GABBR2: variants seen among roughly 807,000 people sequenced by gnomAD.
The protein encoded by GABBR2 is gamma-aminobutyric acid type B receptor subunit 2, also known as G-protein coupled receptor 51.
Under a neutral mutation model 105.6 loss-of-function variants are expected in GABBR2, and 23 were observed. The observed-to-expected ratio is 0.22, with a 90% CI of 0.16 to 0.31. The LOEUF is 0.31. Among genes scored for constraint, GABBR2 ranks in the 10% least tolerant of loss-of-function variants. The probability of loss-of-function intolerance (pLI) is 1.00; values close to 1 mark genes in which losing one functional copy is unlikely to be tolerated. For synonymous variants in GABBR2, 478 were observed against 499.7 expected, an observed-to-expected ratio of 0.96 and a Z score of 0.58; for missense variants, 734 against 1,245.5, an observed-to-expected ratio of 0.59 and a Z score of 6.18.
At chr9:98,560,521 T>TAC (rs1396941421) in intron 2 of GABBR2, among the ~76,000 whole-genome samples, 1 of 150,818 alleles carries the variant, frequency 6.6e-6, no homozygotes, top group Non-Finnish European at 1.5e-5. Flanking sequence ...CATACACACA[T>TAC]ACACACACAC....
At chr9:98,291,306 T>C (rs1341658381) in intron 18 of GABBR2, among the ~76,000 whole-genome samples, 2 of 152,154 alleles carry the variant, frequency 1.3e-5, no homozygotes, top group Admixed American at 6.5e-5. Context: ...CATTGTAAAT[T>C]TGAAAAATGG....
intron 1 of GABBR2, among the ~76,000 whole-genome samples, chr9:98,690,004 C>T (rs560361202): frequency 6.6e-5 from 10 of 152,290 alleles, no homozygotes; most frequent in South Asian, 2.1e-4. Context: ...CTATTTCCTC[C>T]TAAAACTGAA....
chr9:98,295,711 A>T (rs1830369733), intron 17 of GABBR2, among the ~76,000 whole-genome samples: 1 of 152,110 alleles, frequency 6.6e-6, no homozygotes, highest in African/African-American at 2.4e-5. Context: ...TTTTCAGTGG[A>T]GACAGGGTTT....
In GABBR2 at chr9:98,656,865, C is replaced by G. The variant is rs369441430; in HGVS notation, c.321+51552G>C. 2.6e-4 allele frequency among the ~76,000 whole-genome samples: 39 copies of G among 152,248 alleles called. 2 individuals carry two copies. In the South Asian group the frequency reaches 7.9e-3, roughly 31 times the overall value. On this transcript the variant is annotated intron_variant, in intron 1 of 18. Transcript: ENST00000259455. ...GGGGGAAGTCCAGACAAGAAGGGGT[C>G]AGCAGCAGGGAGGTTTATTAACAGG...
chr9:98,499,881 G>A (rs574392916), intron 3 of GABBR2, among the ~76,000 whole-genome samples: 124 of 152,196 alleles, frequency 8.1e-4, no homozygotes, highest in African/African-American at 2.8e-3. Context: ...GTGAAACCCC[G>A]TCTCTACTAA....
At position 98,496,743 on chromosome 9, in the gene GABBR2, G is replaced by A. The variant is rs564070440; in HGVS notation, c.631-229C>T. Among the ~76,000 whole-genome samples, 3 of 152,312 alleles carry A rather than the reference G, an allele frequency of 2.0e-5. No homozygotes were observed. In the South Asian group the frequency reaches 6.2e-4, roughly 32 times the overall value. On this transcript the variant is annotated intron_variant, in intron 3 of 18. Transcript: ENST00000259455. ...GGATACAAGGAGGCCAGACAGGGAAGGGACTTTCCAAGATTGCCCAGGGAG... is the reference window on the plus strand; with the variant it reads ...GGATACAAGGAGGCCAGACAGGGAAAGGACTTTCCAAGATTGCCCAGGGAG...
chr9:98,326,312 C>T (rs1413102915), intron 13 of GABBR2, among the ~76,000 whole-genome samples: 5 of 152,174 alleles, frequency 3.3e-5, no homozygotes, highest in African/African-American at 1.2e-4. Flanking sequence ...ATCTCATGTG[C>T]TCCTGTAATA....
At chr9:98,648,178 C>CTGGA (rs1338428545) in intron 1 of GABBR2, among the ~76,000 whole-genome samples, 2 of 145,008 alleles carry the variant, frequency 1.4e-5, no homozygotes, top group Non-Finnish European at 3.1e-5. Context: ...GTCACCCAGG[C>CTGGA]TGGAGTACAG....
At chr9:98,397,510 G>A (rs1028453042) in intron 8 of GABBR2, among the ~76,000 whole-genome samples, 1 of 152,116 alleles carries the variant, frequency 6.6e-6, no homozygotes, top group Non-Finnish European at 1.5e-5. Flanking sequence ...TATATGCCAA[G>A]TTCCTAGCTT....
chr9:98,535,794 G>A (rs536721443), intron 3 of GABBR2, among the ~76,000 whole-genome samples: 6 of 152,260 alleles, frequency 3.9e-5, no homozygotes, highest in Admixed American at 6.5e-5. Context: ...GCTACATTCC[G>A]TATGATTCCA....
intron 3 of GABBR2, among the ~76,000 whole-genome samples, chr9:98,523,456 C>T (rs72603698): frequency 0.11 from 17,210 of 152,164 alleles, 1,607 homozygotes; most frequent in East Asian, 0.49. Flanking sequence ...CGGCCTCAAG[C>T]AATCAAGTAG....
At chr9:98,666,771 A>T (rs7856945) in intron 1 of GABBR2, among the ~76,000 whole-genome samples, 1 of 152,158 alleles carries the variant, frequency 6.6e-6, no homozygotes, top group Non-Finnish European at 1.5e-5. Flanking sequence ...AAGGCTTTCC[A>T]TGTGAGACAA....
intron 3 of GABBR2, among the ~76,000 whole-genome samples, chr9:98,510,551 G>A (rs1388656065): frequency 1.3e-5 from 2 of 152,090 alleles, no homozygotes; most frequent in Admixed American, 6.5e-5. Flanking sequence ...ACACACATAG[G>A]CTCAAAATAA....
chr9:98,606,605 C>T (rs1474577174), intron 1 of GABBR2, among the ~76,000 whole-genome samples: 4 of 151,618 alleles, frequency 2.6e-5, no homozygotes, highest in Admixed American at 1.3e-4. Flanking sequence ...CTCAGCCTCC[C>T]GAGTAGCTGG....
At chr9:98,598,796 A>G (rs1829276558) in intron 1 of GABBR2, among the ~76,000 whole-genome samples, 1 of 152,138 alleles carries the variant, frequency 6.6e-6, no homozygotes, top group Admixed American at 6.5e-5. Context: ...GCTACCTAGG[A>G]GGCGGCATCA....
chr9:98,537,338 G>C (rs1828201144), intron 3 of GABBR2, among the ~76,000 whole-genome samples: 1 of 152,200 alleles, frequency 6.6e-6, no homozygotes, highest in Non-Finnish European at 1.5e-5. Flanking sequence ...TTCCAGAAAA[G>C]GTAAAACTAT....
intron 13 of GABBR2, among the ~76,000 whole-genome samples, chr9:98,324,675 G>A (rs1391219622): frequency 6.6e-6 from 1 of 152,166 alleles, no homozygotes. Flanking sequence ...GGCTGCTGTG[G>A]CCACTGCTGG....
At chr9:98,315,939 T>G (rs1418920645) in intron 13 of GABBR2, among the ~76,000 whole-genome samples, 2 of 152,196 alleles carry the variant, frequency 1.3e-5, no homozygotes, top group African/African-American at 4.8e-5. Context: ...GGGGAAGTAT[T>G]CAGGCTATAC....
chr9:98,394,479 G>C (rs1174917296), intron 8 of GABBR2, among the ~76,000 whole-genome samples: 1 of 152,148 alleles, frequency 6.6e-6, no homozygotes, highest in Non-Finnish European at 1.5e-5. Flanking sequence ...TCCATCCTTT[G>C]CTTCACACCT....
Sources: gnomAD v4.1 joint callset for allele counts (sites outside exome capture counted in the v4.1 genomes callset) on GRCh38, gnomAD v4.1.1 for gene constraint, MANE v1.5 for transcripts, NCBI Gene and HGNC (gene_info 2026-07-23, HGNC 2026-07-21) for gene names.